Variants in SNX29 observed in about 807,000 individuals in gnomAD.
SNX29 encodes the protein sorting nexin-29.
Under a neutral mutation model 102.1 loss-of-function variants are expected in SNX29, and 78 were observed. That is an observed-to-expected ratio of 0.76 (90% CI 0.64 to 0.92). The LOEUF (loss-of-function observed/expected upper bound fraction) is 0.92. Ranked by LOEUF, SNX29 falls within the 40% of genes least tolerant of loss-of-function variation. The pLI is 0.00. For synonymous variants in SNX29, 580 were observed against 414.5 expected, an observed-to-expected ratio of 1.40 and a Z score of -4.85; for missense variants, 1,280 against 1,061.7, an observed-to-expected ratio of 1.21 and a Z score of -2.86.
chr16:12,524,814 C>G lies in SNX29; in HGVS notation c.2291C>G (p.Thr764Ser). 6.2e-7 allele frequency: 1 copy of G among 1,613,578 alleles called. No individual in the cohort carries two copies. The highest frequency in any genetic ancestry group is 8.5e-7 in the Non-Finnish European group (1 of 1,179,720). The part of the protein sequence containing the change: ...PEFAASPKKE[T>S]LIQLMPFFVD... ...TTCGCTGCCAGCCCCAAGAAGGAGA[C>G]CCTCATCCAGCTGATGCCCTTCTTC... The change falls in exon 20 of 21, where the codon ACC (threonine) becomes AGC (serine). Residue 764 changes from threonine to serine, a missense_variant. Thr to Ser is a moderately conservative substitution (Grantham distance 58). Transcript: ENST00000566228.
chr16:12,528,730 C>T (rs754773341), intron 20 of SNX29, among the ~76,000 whole-genome samples: 28 of 152,220 alleles, frequency 1.8e-4, no homozygotes, highest in Non-Finnish European at 3.1e-4. Context: ...ACTGCTCCCA[C>T]GGCCCCTCCA....
intron 10 of SNX29, among the ~76,000 whole-genome samples, chr16:12,074,358 A>T (rs2051442484): frequency 6.6e-6 from 1 of 152,040 alleles, no homozygotes. Context: ...CTTTTAGGGC[A>T]GGCCTGGTGG....
chr16:12,465,325 C>T (rs1342749213), intron 18 of SNX29, among the ~76,000 whole-genome samples: 2 of 152,210 alleles, frequency 1.3e-5, no homozygotes, highest in African/African-American at 2.4e-5. Flanking sequence ...TTCCCTATGT[C>T]TTCTTCTAGG....
intron 19 of SNX29, among the ~76,000 whole-genome samples, chr16:12,522,541 T>C (rs1192685238): frequency 1.3e-5 from 2 of 152,166 alleles, no homozygotes; most frequent in Non-Finnish European, 2.9e-5. Context: ...GGGAGGTGAC[T>C]GGATCATGGG....
At chr16:12,341,494 C>A (rs2081608771) in intron 15 of SNX29, among the ~76,000 whole-genome samples, 1 of 152,214 alleles carries the variant, frequency 6.6e-6, no homozygotes, top group African/African-American at 2.4e-5. Flanking sequence ...GCCACAGTAA[C>A]AAATGATCCT....
At chr16:12,399,313 A>G (rs185992800) in intron 17 of SNX29, among the ~76,000 whole-genome samples, 5 of 152,242 alleles carry the variant, frequency 3.3e-5, no homozygotes, top group African/African-American at 9.6e-5. Context: ...CGGCCTCCCA[A>G]AGTGCTGGGA....
At chr16:12,248,673 C>T (rs768851830) in intron 14 of SNX29, among the ~76,000 whole-genome samples, 1 of 152,018 alleles carries the variant, frequency 6.6e-6, no homozygotes, top group African/African-American at 2.4e-5. Context: ...CCCTCTGCCC[C>T]CAAAGTGCTG....
chr16:12,406,767 G>C (rs1315533737), intron 18 of SNX29, among the ~76,000 whole-genome samples: 1 of 152,164 alleles, frequency 6.6e-6, no homozygotes, highest in Non-Finnish European at 1.5e-5. Context: ...AATTAGCTGA[G>C]CGTTGCTGTT....
chr16:12,042,611 A>C (rs1440301068), intron 4 of SNX29, among the ~76,000 whole-genome samples: 1 of 152,228 alleles, frequency 6.6e-6, no homozygotes, highest in Non-Finnish European at 1.5e-5. Context: ...TAATTCGCTT[A>C]GGATAATGGC....
chr16:12,345,847 C>G (rs1162872234), intron 15 of SNX29, among the ~76,000 whole-genome samples: 1 of 152,130 alleles, frequency 6.6e-6, no homozygotes, highest in African/African-American at 2.4e-5. Context: ...TATGCCATGC[C>G]AAGAAAATTA....
chr16:12,251,559 C>T (rs561158392), intron 14 of SNX29, among the ~76,000 whole-genome samples: 24 of 152,060 alleles, frequency 1.6e-4, no homozygotes, highest in Non-Finnish European at 2.8e-4. Flanking sequence ...AAAAATTAGC[C>T]GGGCATGGTG....
intron 20 of SNX29, among the ~76,000 whole-genome samples, chr16:12,545,807 C>G (rs1176181658): frequency 6.6e-6 from 1 of 152,084 alleles, no homozygotes; most frequent in Non-Finnish European, 1.5e-5. Context: ...ACAGGGGCCT[C>G]CCTACTGACT....
chr16:12,301,388 C>G (rs1442451031), intron 15 of SNX29, among the ~76,000 whole-genome samples: 1 of 152,158 alleles, frequency 6.6e-6, no homozygotes, highest in Non-Finnish European at 1.5e-5. Context: ...CTAGGAAGGG[C>G]CAGGGTTACT....
intron 19 of SNX29, among the ~76,000 whole-genome samples, chr16:12,523,293 C>T (rs2090168439): frequency 6.6e-6 from 1 of 152,354 alleles, no homozygotes; most frequent in South Asian, 2.1e-4. Flanking sequence ...CCACTGCAGA[C>T]AGCAGTTTCC....
At position 12,048,351 on chromosome 16, in the gene SNX29, CT is replaced by C. The variant is rs759629307; in HGVS notation, c.500-17del. 16 of 1,613,886 alleles carry C rather than the reference CT, an allele frequency of 9.9e-6. No individual in the cohort carries two copies. The South Asian group carries it at 1.6e-4, about 17-fold the overall frequency. On this transcript the variant is annotated intron_variant, in intron 6 of 20. Coordinates refer to ENST00000566228, the MANE Select transcript of SNX29 (RefSeq NM_032167.5). ...ACTGCCCATCAGCAAGCACTCCAGA[CT>C]TTTCCCTTTTTTTGGGCAGGTCTGA...
intron 20 of SNX29, among the ~76,000 whole-genome samples, chr16:12,561,398 A>T (rs766894447): frequency 3.9e-5 from 6 of 152,134 alleles, no homozygotes; most frequent in Admixed American, 6.5e-5. Context: ...CATCCCCGCC[A>T]CACACACAGA....
chr16:12,561,628 C>T (rs865978580), intron 20 of SNX29, among the ~76,000 whole-genome samples: 1 of 152,182 alleles, frequency 6.6e-6, no homozygotes, highest in African/African-American at 2.4e-5. Context: ...CCCCAAGAGG[C>T]TTATTAAAAA....
intron 11 of SNX29, among the ~76,000 whole-genome samples, chr16:12,082,756 C>T (rs1050081982): frequency 1.3e-5 from 2 of 151,998 alleles, no homozygotes; most frequent in Non-Finnish European, 2.9e-5. Context: ...CTGTCTTCTG[C>T]GGTGCCTGTA....
At chr16:12,514,962 C>A (rs1436142968) in intron 19 of SNX29, among the ~76,000 whole-genome samples, 1 of 151,726 alleles carries the variant, frequency 6.6e-6, no homozygotes, top group Non-Finnish European at 1.5e-5. Context: ...GAAAAAAGCC[C>A]CTCTCTCGAT....
Sources: allele counts gnomAD v4.1 joint callset (sites outside exome capture counted in the v4.1 genomes callset), GRCh38; gene constraint gnomAD v4.1.1; transcripts MANE v1.5; gene names NCBI Gene and HGNC (gene_info 2026-07-23, HGNC 2026-07-21).